Variants in ACVR1 observed in about 807,000 individuals in gnomAD.
ACVR1 encodes the protein activin receptor type-1.
A neutral mutation model predicts 57.1 loss-of-function variants in ACVR1; 38 were observed. That is an observed-to-expected ratio of 0.67 (90% CI 0.51 to 0.87). The LOEUF is 0.87. Among genes scored for constraint, ACVR1 ranks in the 40% least tolerant of loss-of-function variants. The probability of loss-of-function intolerance (pLI) is 0.00; values close to 1 mark genes in which losing one functional copy is unlikely to be tolerated. For missense variants in ACVR1, 463 were observed against 638.2 expected (o/e 0.73, Z 2.96); for synonymous variants, 212 against 228.1 (o/e 0.93, Z 0.63).
At chr2:157,834,361 AG>A (rs1688701623) in intron 1 of ACVR1, among the ~76,000 whole-genome samples, 1 of 151,924 alleles carries the variant, frequency 6.6e-6, no homozygotes, top group Non-Finnish European at 1.5e-5. Flanking sequence ...CCAAAGTGCT[AG>A]GATTATAGGC....
At chr2:157,741,777 G>A (rs1040244115) in intron 9 of ACVR1, among the ~76,000 whole-genome samples, 1 of 152,130 alleles carries the variant, frequency 6.6e-6, no homozygotes. Context: ...GTGGCACTTG[G>A]CAGGGCTCAG....
At chr2:157,799,037 C>T (rs140349330) in intron 3 of ACVR1, among the ~76,000 whole-genome samples, 2,640 of 152,080 alleles carry the variant, frequency 0.017, 43 homozygotes, top group Non-Finnish European at 0.028. Context: ...GCTGGGATTA[C>T]AGGTGCCCGC....
chr2:157,776,096 G>A (rs1686276456), intron 5 of ACVR1, among the ~76,000 whole-genome samples: 1 of 152,144 alleles, frequency 6.6e-6, no homozygotes, highest in Non-Finnish European at 1.5e-5. Context: ...TGAGCATATT[G>A]CTTAAATAAG....
intron 3 of ACVR1, among the ~76,000 whole-genome samples, chr2:157,784,755 T>C (rs1204800520): frequency 6.6e-6 from 1 of 152,238 alleles, no homozygotes; most frequent in Non-Finnish European, 1.5e-5. Context: ...GAGTTCACCA[T>C]GGCCAGCTCT....
chr2:157,868,135 C>T (rs769963908), intron 1 of ACVR1, among the ~76,000 whole-genome samples: 5 of 152,148 alleles, frequency 3.3e-5, no homozygotes. Flanking sequence ...TAAGGTCTCG[C>T]ATGCCACCCT....
chr2:157,812,008 T>C (rs950796201), intron 2 of ACVR1, among the ~76,000 whole-genome samples: 11 of 152,200 alleles, frequency 7.2e-5, no homozygotes, highest in African/African-American at 2.7e-4. Flanking sequence ...GAGATAAAGA[T>C]GTTATATAGA....
At chr2:157,806,349 A>AAG (rs1687546446) in intron 2 of ACVR1, among the ~76,000 whole-genome samples, 1 of 152,062 alleles carries the variant, frequency 6.6e-6, no homozygotes, top group Non-Finnish European at 1.5e-5. Flanking sequence ...ATAGAAAAAA[A>AAG]CAAGCCTCTT....
intron 3 of ACVR1, among the ~76,000 whole-genome samples, chr2:157,783,904 G>A (rs1425901691): frequency 6.6e-6 from 1 of 152,068 alleles, no homozygotes. Flanking sequence ...AGAATGACAG[G>A]ATGACCACAC....
chr2:157,758,706 C>T (rs781781049), intron 9 of ACVR1, among the ~76,000 whole-genome samples: 11 of 152,000 alleles, frequency 7.2e-5, no homozygotes, highest in Non-Finnish European at 1.3e-4. Flanking sequence ...ATGGACCTAA[C>T]AGGCACTTAC....
At chr2:157,751,884 A>G (rs900623875) in intron 9 of ACVR1, among the ~76,000 whole-genome samples, 2 of 152,124 alleles carry the variant, frequency 1.3e-5, no homozygotes, top group African/African-American at 4.8e-5. Flanking sequence ...GTAGCTGAAG[A>G]TAAAGGTCAT....
chr2:157,848,940 A>G (rs758910607), intron 1 of ACVR1, among the ~76,000 whole-genome samples: 5 of 152,192 alleles, frequency 3.3e-5, no homozygotes, highest in African/African-American at 7.2e-5. Context: ...AACTACACAC[A>G]TTTTACAAAT....
At chr2:157,795,621 A>T (rs1687082307) in intron 3 of ACVR1, among the ~76,000 whole-genome samples, 1 of 151,834 alleles carries the variant, frequency 6.6e-6, no homozygotes, top group South Asian at 2.1e-4. Flanking sequence ...AAATAGCAAA[A>T]CCTTAAGGGT....
chr2:157,804,825 C>T (rs1687459766), intron 2 of ACVR1, among the ~76,000 whole-genome samples: 2 of 152,320 alleles, frequency 1.3e-5, no homozygotes, highest in South Asian at 4.1e-4. Flanking sequence ...CAGGGTAGTA[C>T]AAAACGACTT....
intron 1 of ACVR1, among the ~76,000 whole-genome samples, chr2:157,848,783 A>G (rs977986662): frequency 5.3e-5 from 8 of 152,182 alleles, no homozygotes; most frequent in Non-Finnish European, 1.2e-4. Flanking sequence ...GTATCTATAT[A>G]ATGGTGAGCA....
chr2:157,776,619 T>C (rs1162704261), intron 5 of ACVR1, among the ~76,000 whole-genome samples: 2 of 152,152 alleles, frequency 1.3e-5, no homozygotes. Flanking sequence ...AGTGGCCCAG[T>C]GATGGATGGG....
intron 1 of ACVR1, among the ~76,000 whole-genome samples, chr2:157,874,443 T>C (rs868082469): frequency 6.6e-6 from 1 of 152,234 alleles, no homozygotes; most frequent in Non-Finnish European, 1.5e-5. Context: ...GCGAGGCCGA[T>C]GTCTGAGGTC....
intron 1 of ACVR1, among the ~76,000 whole-genome samples, chr2:157,819,824 A>G (rs1379030924): frequency 1.3e-5 from 2 of 152,168 alleles, no homozygotes; most frequent in Non-Finnish European, 2.9e-5. Flanking sequence ...AAACATCAAC[A>G]TTTGCCAAAG....
At position 157,855,849 on chromosome 2, in the gene ACVR1, T is replaced by C. The variant is rs969438578; in HGVS notation, c.-183+19947A>G. 5.3e-5 allele frequency among the ~76,000 whole-genome samples: 8 copies of C among 152,212 alleles called. 1 individual carries two copies. The highest frequency in any genetic ancestry group is 1.9e-4 in the African/African-American group (8 of 41,534). ...TTGATGTTTTGTCTGACTCATACTT[T>C]TTTTTCCTCCCAAGAGGAACATGCT... On this transcript the variant is annotated intron_variant, in intron 1 of 10. Transcript: ENST00000434821.
At chr2:157,781,821 G>T (rs1261168584) in intron 3 of ACVR1, among the ~76,000 whole-genome samples, 1 of 152,224 alleles carries the variant, frequency 6.6e-6, no homozygotes, top group Non-Finnish European at 1.5e-5. Context: ...TACTAGTGGG[G>T]AAGGAAACAG....
Sources: allele counts gnomAD v4.1 joint callset (sites outside exome capture counted in the v4.1 genomes callset), GRCh38; gene constraint gnomAD v4.1.1; transcripts MANE v1.5; gene names NCBI Gene and HGNC (gene_info 2026-07-23, HGNC 2026-07-21).